NCK2: variants seen among roughly 807,000 people sequenced by gnomAD.
NCK2 encodes the protein cytoplasmic protein NCK2.
NCK2 carries 16 observed loss-of-function variants against 33.9 expected under a neutral mutation model. The ratio of observed to expected loss-of-function variants is 0.47; its 90% CI spans 0.32 to 0.72. NCK2 has a LOEUF of 0.72. NCK2 is among the 30% of genes least tolerant of loss of function. The pLI is 0.03. For missense variants in NCK2, 418 were observed against 537.3 expected, an observed-to-expected ratio of 0.78 and a Z score of 2.19; for synonymous variants, 273 against 239.9, an observed-to-expected ratio of 1.14 and a Z score of -1.27.
chr2:105,786,374 G>C (rs1473816469), intron 1 of NCK2, among the ~76,000 whole-genome samples: 1 of 152,250 alleles, frequency 6.6e-6, no homozygotes, highest in Non-Finnish European at 1.5e-5. Flanking sequence ...GCTGGGGACA[G>C]GATGGGAGTT....
At position 105,867,318 on chromosome 2, in the gene NCK2, G is replaced by A. The variant is rs148302055; in HGVS notation, c.226+12029G>A. 4.4e-3 allele frequency among the ~76,000 whole-genome samples: 668 copies of A among 152,190 alleles called. 2 individuals carry two copies. Among genetic ancestry groups the A allele is most frequent in the African/African-American group, 0.014 (589 of 41,516 alleles). ...TGTATGAACATGAATTAAATATAAT[G>A]TATCAGAATTTAGAATTCATTAAAA... On this transcript the variant is annotated intron_variant, in intron 3 of 4. Transcript: ENST00000233154.
intron 1 of NCK2, among the ~76,000 whole-genome samples, chr2:105,766,937 G>T (rs1387563313): frequency 6.6e-6 from 1 of 152,220 alleles, no homozygotes; most frequent in African/African-American, 2.4e-5. Flanking sequence ...TGCAGTGTTG[G>T]TGAAACTCAG....
intron 1 of NCK2, among the ~76,000 whole-genome samples, chr2:105,768,157 A>G (rs1380079852): frequency 3.9e-5 from 6 of 152,266 alleles, no homozygotes; most frequent in African/African-American, 7.2e-5. Context: ...ATTTCAACAT[A>G]TACTCAAATA....
chr2:105,758,442 G>A (rs1213005901), intron 1 of NCK2, among the ~76,000 whole-genome samples: 3 of 137,752 alleles, frequency 2.2e-5, no homozygotes, highest in East Asian at 2.2e-4. Flanking sequence ...ACAGAGTCTC[G>A]CTCTGTCACC....
intron 2 of NCK2, among the ~76,000 whole-genome samples, chr2:105,830,707 GTGTGTGTGTT>G (rs1393812784): frequency 4.3e-5 from 6 of 140,604 alleles, no homozygotes; most frequent in East Asian, 4.3e-4. Context: ...GTGTGTGTGT[GTGTGTGTGTT>G]TGGTCTGATA....
intron 1 of NCK2, among the ~76,000 whole-genome samples, chr2:105,785,497 C>A (rs6732799): frequency 2.5e-4 from 38 of 152,056 alleles, no homozygotes; most frequent in Non-Finnish European, 4.9e-4. Flanking sequence ...ACCAAAAGAC[C>A]GCCAATACAA....
At chr2:105,891,276 T>G (rs1192570912) in intron 4 of NCK2, among the ~76,000 whole-genome samples, 2 of 152,054 alleles carry the variant, frequency 1.3e-5, no homozygotes, top group Non-Finnish European at 2.9e-5. Flanking sequence ...GTTTTCTTTT[T>G]TTTTTTCATA....
chr2:105,885,471 T>G (rs981811884), intron 4 of NCK2, among the ~76,000 whole-genome samples: 9 of 152,234 alleles, frequency 5.9e-5, no homozygotes, highest in African/African-American at 2.2e-4. Context: ...AAATTATAAC[T>G]TTTACCCAAA....
At chr2:105,822,793 G>T (rs1434051117) in intron 2 of NCK2, among the ~76,000 whole-genome samples, 1 of 151,870 alleles carries the variant, frequency 6.6e-6, no homozygotes, top group Non-Finnish European at 1.5e-5. Flanking sequence ...AGGAATTTTC[G>T]TGAATTCTCT....
intron 2 of NCK2, among the ~76,000 whole-genome samples, chr2:105,840,928 C>T (rs987301201): frequency 4.0e-5 from 6 of 150,634 alleles, no homozygotes; most frequent in African/African-American, 1.3e-4. Context: ...TGAAAGGCTG[C>T]CCCCACAGAT....
At chr2:105,762,865 G>A (rs1319508060) in intron 1 of NCK2, among the ~76,000 whole-genome samples, 1 of 152,176 alleles carries the variant, frequency 6.6e-6, no homozygotes, top group African/African-American at 2.4e-5. Flanking sequence ...ATTAATAACT[G>A]TGTTCCACAT....
At chr2:105,775,471 T>G (rs1690269627) in intron 1 of NCK2, among the ~76,000 whole-genome samples, 1 of 152,256 alleles carries the variant, frequency 6.6e-6, no homozygotes, top group African/African-American at 2.4e-5. Flanking sequence ...TTGAACTTAA[T>G]CATTTTTCCT....
chr2:105,819,741 A>T (rs960633363), intron 2 of NCK2, among the ~76,000 whole-genome samples: 3 of 152,244 alleles, frequency 2.0e-5, no homozygotes, highest in Non-Finnish European at 4.4e-5. Flanking sequence ...CTTTTATTTC[A>T]TAAGTTTATA....
intron 4 of NCK2, among the ~76,000 whole-genome samples, chr2:105,888,548 G>T (rs1678818524): frequency 6.6e-6 from 1 of 152,148 alleles, no homozygotes; most frequent in African/African-American, 2.4e-5. Context: ...TGTAATGAGT[G>T]TCCTGTCCAT....
rs748935902 is a variant in NCK2, at chr2:105,881,361, G to C, written c.260G>C (p.Arg87Pro). 1 of 1,606,928 alleles carries C rather than the reference G, an allele frequency of 6.2e-7. No individual in the cohort carries two copies. The highest frequency in any genetic ancestry group is 1.1e-5 in the South Asian group (1 of 90,928). Residue 87 changes from arginine (R) to proline (P), a missense_variant, in exon 4 of 5, where the codon CGG (arginine) becomes CCG (proline). Coordinates refer to ENST00000233154, the MANE Select transcript of NCK2 (RefSeq NM_003581.5). ...AAGACGCGCAGGAAGACCAGCGCGC[G>C]GGATGCGTCCCCCACGCCCAGCACG... Reference protein sequence around the residue: ...LGKTRRKTSARDASPTPSTDA... With the variant: ...LGKTRRKTSAPDASPTPSTDA...
intron 1 of NCK2, among the ~76,000 whole-genome samples, chr2:105,754,506 T>C (rs895582801): frequency 1.1e-4 from 16 of 152,214 alleles, no homozygotes; most frequent in African/African-American, 3.6e-4. Flanking sequence ...ATGTCACTTA[T>C]GAGCCTGGCT....
chr2:105,749,334 A>G (rs1369715024), intron 1 of NCK2, among the ~76,000 whole-genome samples: 1 of 152,208 alleles, frequency 6.6e-6, no homozygotes, highest in East Asian at 1.9e-4. Context: ...ACAATTTTGG[A>G]AGCTGGGGTG....
chr2:105,819,283 T>C (rs1339826973), intron 2 of NCK2, among the ~76,000 whole-genome samples: 1 of 151,098 alleles, frequency 6.6e-6, no homozygotes. Flanking sequence ...AGGTTTATCT[T>C]ACATAAGAAA....
At chr2:105,874,719 G>A (rs553109949) in intron 3 of NCK2, among the ~76,000 whole-genome samples, 24 of 152,308 alleles carry the variant, frequency 1.6e-4, no homozygotes, top group African/African-American at 5.8e-4. Context: ...AAAGTCATCT[G>A]TTACAACATC....
Sources: allele counts gnomAD v4.1 joint callset (sites outside exome capture counted in the v4.1 genomes callset), GRCh38; gene constraint gnomAD v4.1.1; transcripts MANE v1.5; gene names NCBI Gene and HGNC (gene_info 2026-07-23, HGNC 2026-07-21).